The following SCLY variants were observed in gnomAD, a reference collection of about 807,000 sequenced individuals.
SCLY encodes the protein putative selenocysteine lyase.
In SCLY, 38 loss-of-function variants were observed where a neutral mutation model predicts 50.1. The observed-to-expected ratio is 0.76, with a 90% CI of 0.59 to 0.99. The LOEUF (loss-of-function observed/expected upper bound fraction) is 0.99, where lower values mean the gene tolerates loss of function less well. SCLY is among the 50% of genes least tolerant of loss of function. The pLI, the probability that SCLY is intolerant of heterozygous loss-of-function variation, is 0.00. For missense variants in SCLY, 600 were observed against 620.0 expected, an observed-to-expected ratio of 0.97 and a Z score of 0.34; for synonymous variants, 243 against 249.4, an observed-to-expected ratio of 0.97 and a Z score of 0.24.
Position 238,069,240 on chromosome 2 carries a change from T to C in SCLY, c.304-57T>C. 6.6e-7 allele frequency: 1 copy of C among 1,515,116 alleles called. No homozygotes were observed. Among genetic ancestry groups the C allele is most frequent in the Non-Finnish European group, 9.0e-7 (1 of 1,113,710 alleles). The allele number at this position is 1,515,116 out of a possible 1,614,324, so 93.9% of individuals were successfully genotyped here. A position where few individuals can be genotyped will look rare whatever the true frequency, so the allele number is the denominator to read the frequency against. On this transcript the variant is annotated intron_variant, in intron 3 of 11. Coordinates refer to ENST00000254663, the MANE Select transcript of SCLY (RefSeq NM_016510.7). The surrounding 1 kb of genome is among the most constrained non-coding windows in gnomAD (Gnocchi z 5.0). ...GAAATTAAGTAACAGAAATTGTTGC[T>C]CTGACCCTTACCTCAGCACAGTTTT... is the stretch of plus-strand genomic sequence containing the variant.
Position 238,083,384 on chromosome 2 carries a change from C to G in SCLY, c.884+30C>G. The G allele has an allele frequency of 6.9e-7, 1 of 1,448,580 alleles. No homozygotes were observed. Among genetic ancestry groups the G allele is most frequent in the Non-Finnish European group, 9.7e-7 (1 of 1,029,396 alleles). The allele number at this position is 1,448,580 out of a possible 1,614,324, so 89.7% of individuals were successfully genotyped here. On this transcript the variant is annotated intron_variant, in intron 7 of 11. Coordinates refer to ENST00000254663, the MANE Select transcript of SCLY (RefSeq NM_016510.7). This position sits in a 1 kb window ranked among gnomAD's most constrained non-coding sequence, Gnocchi z 4.3. The stretch of plus-strand genomic sequence containing the variant: ...GGCAGAAAGTTAACAAAGTCTCTGA[C>G]CTACTGACCGTGTCATTTGTAGAGC...
rs1283789978 is a variant in SCLY, at chr2:238,067,018, C to T, written c.203-1047C>T. Among the ~76,000 whole-genome samples the T allele has an allele frequency of 6.6e-6, 1 of 152,122 alleles. No individual in the cohort carries two copies. The highest frequency in any genetic ancestry group is 2.4e-5 in the African/African-American group (1 of 41,426). On this transcript the variant is annotated intron_variant, in intron 2 of 11. Coordinates refer to ENST00000254663, the MANE Select transcript of SCLY (RefSeq NM_016510.7). The surrounding 1 kb of genome is among the most constrained non-coding windows in gnomAD (Gnocchi z 4.3). Reference sequence around the variant, plus strand: ...AAGACCTGCCGCCATGATTCAGTTACCTCCCACCGGGTCCCTCTGATGACG... The same window carrying T: ...AAGACCTGCCGCCATGATTCAGTTATCTCCCACCGGGTCCCTCTGATGACG...
chr2:238,066,362 T>C lies in SCLY; in HGVS notation c.203-1703T>C, dbSNP rs2065071365. On this transcript the variant is annotated intron_variant, in intron 2 of 11. Coordinates refer to ENST00000254663, the MANE Select transcript of SCLY (RefSeq NM_016510.7). The surrounding 1 kb of genome is among the most constrained non-coding windows in gnomAD (Gnocchi z 4.1). ...CTTAGTATCATCATGAAAACAGTTT[T>C]GACTTTGTGGACCTCCTGAGAGGGC... Among the ~76,000 whole-genome samples the C allele has an allele frequency of 6.6e-6, 1 of 152,206 alleles. No individual in the cohort carries two copies. Among genetic ancestry groups the C allele is most frequent in the Admixed American group, 6.5e-5 (1 of 15,274 alleles).
chr2:238,087,019 GA>G (rs34975994), intron 7 of SCLY, among the ~76,000 whole-genome samples: 5 of 149,278 alleles, frequency 3.3e-5, no homozygotes, highest in Admixed American at 6.7e-5. Context: ...AACTCCGTCT[GA>G]AAAAAAAAAA....
At chr2:238,098,143 G>A (rs139920187) in intron 11 of SCLY, 59 bp from the exon 12 acceptor site, 229 of 1,576,724 alleles carry the variant, frequency 1.5e-4, no homozygotes, top group Middle Eastern at 6.9e-4. Context: ...GAGCAGGGGG[G>A]GCTGTGTCTC....
chr2:238,086,567 A>G (rs2065299443), intron 7 of SCLY, among the ~76,000 whole-genome samples: 1 of 151,660 alleles, frequency 6.6e-6, no homozygotes, highest in African/African-American at 2.4e-5. Flanking sequence ...ATTAGCCGAC[A>G]TGGCAGTGCG....
intron 3 of SCLY, 157 bp downstream of exon 3, chr2:238,068,322 G>T: frequency 1.8e-6 from 1 of 562,972 alleles, no homozygotes; most frequent in African/African-American, 2.0e-5. Context: ...GCCAAGGCAG[G>T]AGGGTTGGTT....
chr2:238,091,109 GA>G, intron 7 of SCLY, 108 bp from the exon 8 acceptor site: 1 of 1,053,468 alleles, frequency 9.5e-7, no homozygotes, highest in East Asian at 2.4e-5. Flanking sequence ...GCGTGCTTAG[GA>G]AAGATGTAGC....
chr2:238,079,068 C>CTTTTTTTTTT (rs59238768), intron 4 of SCLY: 69 of 93,178 alleles, frequency 7.4e-4, no homozygotes, highest in Middle Eastern at 7.1e-3. Flanking sequence ...CTTTCTTTTT[C>CTTTTTTTTTT]TTTTTTTTTT....
intron 7 of SCLY, among the ~76,000 whole-genome samples, chr2:238,084,977 G>A (rs987287446): frequency 8.6e-5 from 13 of 150,526 alleles, no homozygotes; most frequent in African/African-American, 2.2e-4. Flanking sequence ...CCAGCACAAC[G>A]TCAGAAAATG....
intron 7 of SCLY, among the ~76,000 whole-genome samples, chr2:238,090,793 C>T (rs983200834): frequency 2.6e-5 from 4 of 151,456 alleles, no homozygotes; most frequent in Non-Finnish European, 4.4e-5. Context: ...CACGCGCTTG[C>T]ACACATACAC....
At chr2:238,073,368 A>G (rs531819364) in intron 4 of SCLY, among the ~76,000 whole-genome samples, 2 of 152,318 alleles carry the variant, frequency 1.3e-5, no homozygotes, top group African/African-American at 2.4e-5. Context: ...GAATTTTAGG[A>G]TCAGCTTGTT....
chr2:238,071,134 G>C (rs1204580887), intron 4 of SCLY, among the ~76,000 whole-genome samples: 2 of 152,030 alleles, frequency 1.3e-5, no homozygotes, highest in Non-Finnish European at 2.9e-5. Flanking sequence ...AGCCCGGCCA[G>C]AGCCCAGCCT....
intron 11 of SCLY, 82 bp from the exon 12 acceptor site, chr2:238,098,120 G>A: frequency 6.6e-7 from 1 of 1,511,032 alleles, no homozygotes; most frequent in East Asian, 2.3e-5. Flanking sequence ...AGCCCCACTA[G>A]GGGAGTGGTC....
chr2:238,084,049 A>G (rs1408649419), intron 7 of SCLY, among the ~76,000 whole-genome samples: 2 of 152,250 alleles, frequency 1.3e-5, no homozygotes, highest in Non-Finnish European at 2.9e-5. Context: ...GCCAGATGCT[A>G]CAGGGGAAAT....
chr2:238,076,392 G>C (rs561957633), intron 4 of SCLY, among the ~76,000 whole-genome samples: 1 of 151,988 alleles, frequency 6.6e-6, no homozygotes, highest in African/African-American at 2.4e-5. Flanking sequence ...ACACCCAGAC[G>C]TTTTTTCTTT....
At chr2:238,091,367 G>T in intron 8 of SCLY, 113 bp downstream of exon 8, 1 of 878,048 alleles carries the variant, frequency 1.1e-6, no homozygotes, top group South Asian at 1.4e-5. Flanking sequence ...TCTCATAAGC[G>T]GACTGACAAG....
At chr2:238,080,378 C>A (rs1416708618) in intron 4 of SCLY, 4 of 152,242 alleles carry the variant, frequency 2.6e-5, no homozygotes, top group African/African-American at 9.7e-5. Context: ...GCTTGGGGAT[C>A]CTGGATTGTT....
chr2:238,074,122 C>CA (rs2065151189), intron 4 of SCLY, among the ~76,000 whole-genome samples: 1 of 151,912 alleles, frequency 6.6e-6, no homozygotes, highest in South Asian at 2.1e-4. Flanking sequence ...GCTTGACCAA[C>CA]ATGGCAAAAC....
Sources: gnomAD v4.1 joint callset for allele counts (sites outside exome capture counted in the v4.1 genomes callset) on GRCh38, gnomAD v4.1.1 for gene constraint, Gnocchi (gnomAD v3.1) non-coding constraint, MANE v1.5 for transcripts, NCBI Gene and HGNC (gene_info 2026-07-23, HGNC 2026-07-21) for gene names.